CNTNAP5: variants seen among roughly 807,000 people sequenced by gnomAD.
CNTNAP5 encodes contactin-associated protein-like 5.
A neutral mutation model predicts 150.2 loss-of-function variants in CNTNAP5; 72 were observed. The observed-to-expected ratio is 0.48, with a 90% confidence interval of 0.40 to 0.58. The LOEUF (loss-of-function observed/expected upper bound fraction) is 0.58. Ranked by LOEUF, CNTNAP5 falls within the 20% of genes least tolerant of loss-of-function variation. CNTNAP5 has a pLI of 0.00. For synonymous variants in CNTNAP5, 672 were observed against 619.8 expected (o/e 1.08, Z -1.25); for missense variants, 1,636 against 1,626.2 (o/e 1.01, Z -0.10).
chr2:124,428,075 G>T (rs897570258), intron 4 of CNTNAP5, among the ~76,000 whole-genome samples: 1 of 152,124 alleles, frequency 6.6e-6, no homozygotes, highest in African/African-American at 2.4e-5. Context: ...TCCTAGATGG[G>T]ACCCTGCACT....
chr2:124,089,345 G>A (rs1682766789), intron 1 of CNTNAP5, among the ~76,000 whole-genome samples: 1 of 151,748 alleles, frequency 6.6e-6, no homozygotes, highest in Admixed American at 6.6e-5. Flanking sequence ...TTGACTTGTA[G>A]CATCTCATTT....
At chr2:124,540,354 C>A (rs1415534668) in intron 10 of CNTNAP5, among the ~76,000 whole-genome samples, 1 of 152,140 alleles carries the variant, frequency 6.6e-6, no homozygotes, top group Non-Finnish European at 1.5e-5. Flanking sequence ...AAATGAGAAT[C>A]ATTTGTATCA....
At chr2:124,583,781 C>T (rs761380814) in intron 11 of CNTNAP5, among the ~76,000 whole-genome samples, 2 of 152,128 alleles carry the variant, frequency 1.3e-5, no homozygotes, top group Non-Finnish European at 2.9e-5. Context: ...GGAACTGCTC[C>T]ACCTTCCTCT....
chr2:124,757,060 G>A (rs1399831322), intron 14 of CNTNAP5, among the ~76,000 whole-genome samples: 1 of 152,180 alleles, frequency 6.6e-6, no homozygotes. Flanking sequence ...ACTTCGAGTG[G>A]AGTAAGGAAA....
In CNTNAP5 at chr2:124,446,900, C is replaced by T. The variant is rs746006997; in HGVS notation, c.881C>T (p.Thr294Ile). 6 of 1,613,816 alleles carry T rather than the reference C, an allele frequency of 3.7e-6. No homozygotes were observed. In the African/African-American group the frequency reaches 4.0e-5, roughly 11 times the overall value. The change falls in exon 6 of 24, where the codon ACC becomes ATC. Residue 294 changes from threonine (T) to isoleucine (I), a missense_variant. Transcript: ENST00000682447. ...TVDKHTQHFR[T>I]KGETDALDID... Reference sequence around the variant, plus strand: ...GACAAGCACACACAGCACTTCCGCACCAAGGGCGAGACGGATGCCTTAGAC... The same window carrying T: ...GACAAGCACACACAGCACTTCCGCATCAAGGGCGAGACGGATGCCTTAGAC...
intron 13 of CNTNAP5, among the ~76,000 whole-genome samples, chr2:124,732,243 A>T (rs979238968): frequency 1.3e-5 from 2 of 152,088 alleles, no homozygotes; most frequent in Non-Finnish European, 2.9e-5. Context: ...TCAGTTGCTC[A>T]ACTTATTTTA....
intron 7 of CNTNAP5, among the ~76,000 whole-genome samples, chr2:124,496,721 A>C (rs891625531): frequency 6.6e-6 from 1 of 152,118 alleles, no homozygotes; most frequent in African/African-American, 2.4e-5. Flanking sequence ...GCCACACCTG[A>C]CTTACTATTT....
intron 3 of CNTNAP5, among the ~76,000 whole-genome samples, chr2:124,243,436 A>G (rs1398948501): frequency 6.6e-6 from 1 of 152,142 alleles, no homozygotes; most frequent in East Asian, 1.9e-4. Flanking sequence ...CCTACCCATC[A>G]CTTGGGGTTG....
At chr2:124,518,500 T>G (rs1256100174) in intron 8 of CNTNAP5, among the ~76,000 whole-genome samples, 1 of 152,178 alleles carries the variant, frequency 6.6e-6, no homozygotes, top group Non-Finnish European at 1.5e-5. Flanking sequence ...GTAGCCACTT[T>G]GGAAAAATTC....
intron 1 of CNTNAP5, among the ~76,000 whole-genome samples, chr2:124,029,269 G>A (rs1183536907): frequency 6.6e-6 from 1 of 152,050 alleles, no homozygotes; most frequent in Non-Finnish European, 1.5e-5. Flanking sequence ...CGAAGCTTAT[G>A]CACAAACTCA....
At chr2:124,128,674 A>G (rs552348044) in intron 1 of CNTNAP5, among the ~76,000 whole-genome samples, 6 of 152,312 alleles carry the variant, frequency 3.9e-5, no homozygotes, top group South Asian at 2.1e-4. Context: ...ATGTCCATCA[A>G]TGATATACTG....
At chr2:124,538,043 C>T (rs1217438441) in intron 10 of CNTNAP5, among the ~76,000 whole-genome samples, 1 of 152,168 alleles carries the variant, frequency 6.6e-6, no homozygotes, top group Non-Finnish European at 1.5e-5. Flanking sequence ...TGAATTATCA[C>T]AAGCACTTCC....
intron 12 of CNTNAP5, among the ~76,000 whole-genome samples, 193 bp downstream of exon 12, chr2:124,610,113 G>A (rs1677348636): frequency 6.6e-6 from 1 of 152,190 alleles, no homozygotes; most frequent in Admixed American, 6.5e-5. Context: ...ACAGAAAAAA[G>A]AAAACTTGTT....
At chr2:124,894,088 T>C (rs1219657037) in intron 21 of CNTNAP5, among the ~76,000 whole-genome samples, 1 of 152,162 alleles carries the variant, frequency 6.6e-6, no homozygotes, top group Non-Finnish European at 1.5e-5. Flanking sequence ...TAACTGACTG[T>C]TGGTTGCCTA....
chr2:124,801,028 C>T (rs961932572), intron 19 of CNTNAP5, among the ~76,000 whole-genome samples: 13 of 152,136 alleles, frequency 8.5e-5, no homozygotes, highest in Admixed American at 1.3e-4. Flanking sequence ...GCCTTCCCCA[C>T]TCCAGCTTGG....
chr2:124,817,089 T>G (rs917891432), intron 19 of CNTNAP5, among the ~76,000 whole-genome samples: 1 of 152,236 alleles, frequency 6.6e-6, no homozygotes, highest in Non-Finnish European at 1.5e-5. Context: ...GCAGCAAGAA[T>G]GAATGACTTA....
chr2:124,412,067 C>G (rs1422268207), intron 3 of CNTNAP5, among the ~76,000 whole-genome samples: 3 of 118,576 alleles, frequency 2.5e-5, no homozygotes, highest in African/African-American at 8.9e-5. Flanking sequence ...AAATCACAAG[C>G]ATTCTTATAC....
chr2:124,518,994 CAAAAAAAAA>C (rs35578704), intron 8 of CNTNAP5, among the ~76,000 whole-genome samples: 3 of 48,114 alleles, frequency 6.2e-5, no homozygotes, highest in African/African-American at 2.5e-4. Flanking sequence ...GCCTGGGCCG[CAAAAAAAAA>C]AAAAAAAAAA....
chr2:124,066,202 C>T (rs556483766), intron 1 of CNTNAP5, among the ~76,000 whole-genome samples: 2 of 152,072 alleles, frequency 1.3e-5, no homozygotes, highest in African/African-American at 2.4e-5. Context: ...TTTTCTTTCC[C>T]CACATCTTGA....
Sources: gnomAD v4.1 joint callset for allele counts (sites outside exome capture counted in the v4.1 genomes callset) on GRCh38, gnomAD v4.1.1 for gene constraint, MANE v1.5 for transcripts, NCBI Gene and HGNC (gene_info 2026-07-23, HGNC 2026-07-21) for gene names.